Variants in RNASEH2B observed in about 807,000 individuals in gnomAD.
RNASEH2B encodes the protein ribonuclease H2 subunit B.
In RNASEH2B, 36 loss-of-function variants were observed where a neutral mutation model predicts 45.0. The observed-to-expected ratio is 0.80, with a 90% CI of 0.61 to 1.06. The LOEUF is 1.06. Among genes scored for constraint, RNASEH2B ranks in the 50% least tolerant of loss-of-function variants. The pLI is 0.00. For synonymous variants in RNASEH2B, 119 were observed against 125.7 expected (o/e 0.95, Z 0.35); for missense variants, 361 against 360.3 (o/e 1.00, Z -0.02).
At chr13:50,956,242 T>TG (rs1367721605) in intron 10 of RNASEH2B, 116 bp from the exon 11 acceptor site, 8 of 806,584 alleles carry the variant, frequency 9.9e-6, no homozygotes, top group Admixed American at 4.6e-5. Flanking sequence ...AGCATGTTAG[T>TG]GGGGGATGCT....
chr13:50,964,608 C>T (rs986453104), intron 9 of RNASEH2B, among the ~76,000 whole-genome samples: 1 of 152,214 alleles, frequency 6.6e-6, no homozygotes, highest in Non-Finnish European at 1.5e-5. Flanking sequence ...TTGTGTCTTG[C>T]ACGGTGCCGA....
At position 50,945,442 on chromosome 13, in the gene RNASEH2B, G is replaced by A; in HGVS notation, c.526G>A (p.Ala176Thr). 5 of 1,612,728 alleles carry A rather than the reference G, an allele frequency of 3.1e-6. No homozygotes were observed. The highest frequency in any genetic ancestry group is 4.2e-6 in the Non-Finnish European group (5 of 1,178,808). ...TGCTTCATAGGTTAATCAAACTGTG[G>A]CAGCATTAAAAACCAATAATGTGAA... ...WLEKKVNQTV[A>T]ALKTNNVNVS... The change falls in exon 7 of 11, where the codon GCA becomes ACA. Residue 176 changes from alanine to threonine, a missense_variant. Physicochemically the swap from Ala to Thr is moderately conservative, Grantham distance 58. Coordinates refer to ENST00000336617, the MANE Select transcript of RNASEH2B (RefSeq NM_024570.4).
At chr13:50,952,233 C>T (rs1951985372) in intron 9 of RNASEH2B, 1 of 152,132 alleles carries the variant, frequency 6.6e-6, no homozygotes, top group African/African-American at 2.4e-5. Context: ...AACATTTTGC[C>T]ATAGAGAAGG....
Position 50,910,218 on chromosome 13 carries a change from C to T in RNASEH2B, c.64+78C>T, listed in dbSNP as rs534222775. 15 of 1,097,246 alleles carry T rather than the reference C, an allele frequency of 1.4e-5. No homozygotes were observed. In the African/African-American group the frequency reaches 1.8e-4, roughly 13 times the overall value. 68.0% of individuals were successfully genotyped at this position (1,097,246 alleles called of 1,614,324 possible). A position where few individuals can be genotyped will look rare whatever the true frequency, so the allele number is the denominator to read the frequency against. ...CCGCGACCCCGGGCGCGCCGCCCCC[C>T]ACCCCGGTGGCTCCCACTACCCGGC... On this transcript the variant is annotated intron_variant, in intron 1 of 10. Coordinates refer to ENST00000336617, the MANE Select transcript of RNASEH2B (RefSeq NM_024570.4).
At chr13:50,915,016 C>G (rs964325393) in intron 1 of RNASEH2B, among the ~76,000 whole-genome samples, 3 of 152,172 alleles carry the variant, frequency 2.0e-5, no homozygotes, top group Non-Finnish European at 2.9e-5. Flanking sequence ...TACTTCCTCA[C>G]TATAAAGCCT....
At chr13:50,914,778 A>T (rs937159985) in intron 1 of RNASEH2B, among the ~76,000 whole-genome samples, 6 of 152,170 alleles carry the variant, frequency 3.9e-5, no homozygotes, top group African/African-American at 1.4e-4. Flanking sequence ...TGACTCCCAC[A>T]TATTTATCCT....
chr13:50,960,876 A>G (rs1323302421), downstream of RNASEH2B, among the ~76,000 whole-genome samples: 1 of 152,200 alleles, frequency 6.6e-6, no homozygotes, highest in East Asian at 1.9e-4. Flanking sequence ...TAAGAATCTT[A>G]GAGGTAAAAC....
At chr13:50,910,880 C>G (rs766547254) in intron 1 of RNASEH2B, 1 of 152,232 alleles carries the variant, frequency 6.6e-6, no homozygotes, top group Non-Finnish European at 1.5e-5. Context: ...AAAGGAACAT[C>G]TCCTGTTCCC....
intron 1 of RNASEH2B, among the ~76,000 whole-genome samples, chr13:50,924,987 A>G (rs1245317735): frequency 6.6e-6 from 1 of 151,744 alleles, no homozygotes; most frequent in Non-Finnish European, 1.5e-5. Context: ...ACTTTCTTCA[A>G]GTTTTTTTTT....
At chr13:50,918,417 G>A (rs986144756) in intron 1 of RNASEH2B, among the ~76,000 whole-genome samples, 4 of 152,216 alleles carry the variant, frequency 2.6e-5, no homozygotes, top group African/African-American at 7.2e-5. Context: ...GATTACAGGC[G>A]TGAGCCACTG....
rs751915137 is a variant in RNASEH2B, at chr13:50,947,985, A to G, written c.617-2A>G. 3.1e-6 allele frequency: 5 copies of G among 1,608,984 alleles called. No homozygotes were observed. The African/African-American group carries it at 4.0e-5, about 13-fold the overall frequency. On this transcript the variant is annotated splice_acceptor_variant, in intron 7 of 10. Coordinates refer to ENST00000336617, the MANE Select transcript of RNASEH2B (RefSeq NM_024570.4). LOFTEE classifies it high-confidence loss of function. ...TTTCACTCCTCCTTCTGTTTCTTTC[A>G]GAGGATTATATTCGTTATGCCCATG... is the stretch of plus-strand genomic sequence containing the variant.
intron 9 of RNASEH2B, among the ~76,000 whole-genome samples, chr13:50,968,701 C>T (rs1458630586): frequency 6.6e-6 from 1 of 152,202 alleles, no homozygotes; most frequent in Non-Finnish European, 1.5e-5. Flanking sequence ...TTCTGCAGGT[C>T]AATTTATCCT....
At chr13:50,968,000 A>G (rs752233074) in intron 9 of RNASEH2B, among the ~76,000 whole-genome samples, 17 of 152,180 alleles carry the variant, frequency 1.1e-4, no homozygotes, top group Non-Finnish European at 2.4e-4. Context: ...CTTGGTATAC[A>G]CTTGGAGATT....
chr13:50,910,338 A>C, intron 1 of RNASEH2B, 198 bp downstream of exon 1: 1 of 410,988 alleles, frequency 2.4e-6, no homozygotes. Flanking sequence ...AAGCGCCGAA[A>C]AGGACCGAGC....
intron 4 of RNASEH2B, among the ~76,000 whole-genome samples, chr13:50,932,171 A>G (rs895792111): frequency 3.3e-5 from 5 of 152,216 alleles, no homozygotes; most frequent in African/African-American, 1.2e-4. Flanking sequence ...TATTCTGCCT[A>G]ATACCGGGGT....
chr13:50,935,221 C>G, intron 5 of RNASEH2B: 1 of 546,202 alleles, frequency 1.8e-6, no homozygotes, highest in South Asian at 2.1e-5. Context: ...GTCCACAGGG[C>G]AGGAATCACA....
At chr13:50,915,075 T>A (rs1593445191) in intron 1 of RNASEH2B, among the ~76,000 whole-genome samples, 1 of 152,252 alleles carries the variant, frequency 6.6e-6, no homozygotes, top group East Asian at 1.9e-4. Flanking sequence ...TCTCATGGGG[T>A]TGTTATCTGT....
chr13:50,954,020 TA>T (rs1182995818), intron 10 of RNASEH2B, 35 bp downstream of exon 10: 1 of 1,287,692 alleles, frequency 7.8e-7, no homozygotes, highest in Non-Finnish European at 1.1e-6. Context: ...GTTTCGTTCA[TA>T]CTCAGTGCGT....
Position 50,927,275 on chromosome 13 carries a change from T to C in RNASEH2B, c.65-132T>C, listed in dbSNP as rs575221540. Reference sequence around the variant, plus strand: ...TGGTAATTTGCTCAAGATCACAACATTTGTAAGTGATAAATTGAGTTAAAA... The same window carrying C: ...TGGTAATTTGCTCAAGATCACAACACTTGTAAGTGATAAATTGAGTTAAAA... On this transcript the variant is annotated intron_variant, in intron 1 of 10. Coordinates refer to ENST00000336617, the MANE Select transcript of RNASEH2B (RefSeq NM_024570.4). The C allele has an allele frequency of 5.2e-5, 34 of 648,322 alleles. 1 individual carries two copies. The Middle Eastern group carries it at 1.6e-3, about 30-fold the overall frequency. 40.2% of individuals were successfully genotyped at this position (648,322 alleles called of 1,614,324 possible).
Sources: gnomAD v4.1 joint callset for allele counts (sites outside exome capture counted in the v4.1 genomes callset) on GRCh38, gnomAD v4.1.1 for gene constraint, MANE v1.5 for transcripts, NCBI Gene and HGNC (gene_info 2026-07-23, HGNC 2026-07-21) for gene names.